Variants in ZFYVE26 observed in about 807,000 individuals in gnomAD.
The protein encoded by ZFYVE26 is zinc finger FYVE-type containing 26.
ZFYVE26 carries 181 observed loss-of-function variants against 276.5 expected under a neutral mutation model. The observed-to-expected ratio is 0.65, with a 90% CI of 0.58 to 0.74. The LOEUF is 0.74. Among genes scored for constraint, ZFYVE26 ranks in the 30% least tolerant of loss-of-function variants. The pLI is 0.00. For synonymous variants in ZFYVE26, 1,129 were observed against 1,203.1 expected (o/e 0.94, Z 1.27); for missense variants, 2,821 against 3,097.9 (o/e 0.91, Z 2.12).
At chr14:67,732,733 C>T (rs1256962188) in intron 13 of ZFYVE26, among the ~76,000 whole-genome samples, 3 of 152,040 alleles carry the variant, frequency 2.0e-5, no homozygotes, top group East Asian at 1.9e-4. Context: ...CCCACCACCA[C>T]ACCCGGCTAA....
chr14:67,813,877 G>T, intron 3 of ZFYVE26, 109 bp downstream of exon 3: 1 of 810,616 alleles, frequency 1.2e-6, no homozygotes, highest in South Asian at 1.5e-5. Context: ...GAATGAGTAT[G>T]ATGAATTTAA....
downstream of ZFYVE26, among the ~76,000 whole-genome samples, chr14:67,741,590 C>G (rs560618898): frequency 3.3e-5 from 5 of 152,268 alleles, no homozygotes; most frequent in African/African-American, 1.2e-4. Context: ...CATAAAAGAT[C>G]AAGTGTTTAT....
At chr14:67,801,234 G>A (rs1419423067) in intron 10 of ZFYVE26, among the ~76,000 whole-genome samples, 1 of 151,044 alleles carries the variant, frequency 6.6e-6, no homozygotes, top group Non-Finnish European at 1.5e-5. Context: ...CTGGGCAACA[G>A]AGCAAGACTC....
chr14:67,783,397 C>A lies in ZFYVE26; in HGVS notation c.3755G>T (p.Arg1252Leu), dbSNP rs201203611. The A allele has an allele frequency of 1.2e-6, 2 of 1,614,092 alleles. No individual in the cohort carries two copies. Among genetic ancestry groups the A allele is most frequent in the Admixed American group, 1.7e-5 (1 of 60,008 alleles). Reference protein sequence around the residue: ...QSQQTSSLLTRLGTLAQLHAS... With the variant: ...QSQQTSSLLTLLGTLAQLHAS... The stretch of plus-strand genomic sequence containing the variant: ...GTGTAGCTGGGCCAGAGTACCCAGA[C>A]GAGTCAGGAGGGAGGAGGTCTGCTG... The change falls in exon 21 of 42, where the codon CGT becomes CTT. Residue 1252 changes from arginine (R) to leucine (L), a missense_variant. By Grantham distance (102) the Arg-to-Leu change is moderately radical. Coordinates refer to ENST00000347230, the MANE Select transcript of ZFYVE26 (RefSeq NM_015346.4).
rs763250225 is a variant in ZFYVE26, at chr14:67,772,134, G to A, written c.5397C>T (p.Pro1799=). Reference sequence around the variant, plus strand: ...GGTGCCTGGCAGGGGGTGTCGCTGGGGGCACAAATTCCTGTGAGGGCTGGG... The same window carrying A: ...GGTGCCTGGCAGGGGGTGTCGCTGGAGGCACAAATTCCTGTGAGGGCTGGG... ...PPTQPSQEFV[P]PATPPARHQW... is the part of the protein sequence containing the mutation. The change falls in exon 28 of 42, where the codon CCC becomes CCT. Residue 1799 remains proline (P), a synonymous_variant. Coordinates refer to ENST00000347230, the MANE Select transcript of ZFYVE26 (RefSeq NM_015346.4). The A allele has an allele frequency of 2.5e-6, 4 of 1,613,112 alleles. No individual in the cohort carries two copies. The South Asian group carries it at 4.4e-5, about 18-fold the overall frequency.
intron 13 of ZFYVE26, among the ~76,000 whole-genome samples, chr14:67,740,015 A>G (rs917215942): frequency 6.6e-6 from 1 of 152,194 alleles, no homozygotes; most frequent in African/African-American, 2.4e-5. Flanking sequence ...CCCATGGCCA[A>G]GAAAAAAATC....
intron 5 of ZFYVE26, 35 bp from the exon 6 acceptor site, chr14:67,806,710 A>G: frequency 6.2e-7 from 1 of 1,613,762 alleles, no homozygotes; most frequent in Non-Finnish European, 8.5e-7. Flanking sequence ...CAGGAAACCA[A>G]GAACTCTTCT....
At chr14:67,768,626 C>G in intron 29 of ZFYVE26, 78 bp from the exon 30 acceptor site, 1 of 1,367,706 alleles carries the variant, frequency 7.3e-7, no homozygotes, top group Non-Finnish European at 1.0e-6. Context: ...ACAGCATCAA[C>G]TTACAGTGTC....
Position 67,814,000 on chromosome 14 carries a change from AC to A in ZFYVE26, c.258del (p.Trp86CysfsTer42). The A allele has an allele frequency of 6.2e-7, 1 of 1,613,882 alleles. No homozygotes were observed. The highest frequency in any genetic ancestry group is 8.5e-7 in the Non-Finnish European group (1 of 1,179,806). On this transcript the variant is annotated frameshift_variant, in exon 3 of 42. Coordinates refer to ENST00000347230, the MANE Select transcript of ZFYVE26 (RefSeq NM_015346.4). LOFTEE classifies it high-confidence loss of function. ...AWVWLLVLEKWLAREKKLLPV... is the reference protein window; with the variant it reads ...AWVWLLVLEKXLAREKKLLPV... The stretch of plus-strand genomic sequence containing the variant: ...AACCTACTTACCTTTTCCCGGGCCA[AC>A]CATTTCTCCAGTACAAGAAGCCAGA...
chr14:67,804,190 T>C lies in ZFYVE26; in HGVS notation c.1346A>G (p.His449Arg). The C allele has an allele frequency of 6.2e-7, 1 of 1,614,188 alleles. No individual in the cohort carries two copies. Among genetic ancestry groups the C allele is most frequent in the Non-Finnish European group, 8.5e-7 (1 of 1,180,008 alleles). ...GAGGGCTGGAAGGTTTGTAAGGTGA[T>C]GGAGAGTGTAGAGCACTGAGTGGCT... ...GDSHSVLYTL[H>R]HLTNLPALRE... The change falls in exon 9 of 42, where the codon CAT becomes CGT. Residue 449 changes from histidine to arginine, a missense_variant. Transcript: ENST00000347230.
chr14:67,729,541 A>G, exon 14 of ZFYVE26: 1 of 717,694 alleles, frequency 1.4e-6, no homozygotes, highest in Non-Finnish European at 2.5e-6. Context: ...AAGGAAACTT[A>G]CAGTACAAAC....
intron 41 of ZFYVE26, among the ~76,000 whole-genome samples, chr14:67,750,072 G>A (rs2038595666): frequency 6.6e-6 from 1 of 152,182 alleles, no homozygotes; most frequent in Non-Finnish European, 1.5e-5. Flanking sequence ...GAGGCTCAGT[G>A]AAGGCTTGAG....
Position 67,793,602 on chromosome 14 carries a change from C to G in ZFYVE26, c.2553+6G>C. The G allele has an allele frequency of 6.2e-7, 1 of 1,613,194 alleles. No homozygotes were observed. The highest frequency in any genetic ancestry group is 8.5e-7 in the Non-Finnish European group (1 of 1,179,582). On this transcript the variant is annotated splice_donor_region_variant and intron_variant, in intron 14 of 41. Transcript: ENST00000347230. The stretch of plus-strand genomic sequence containing the variant: ...CAGGGGCTGAAAAGGTATGGCCTCC[C>G]CTCACCTGATGGGCTTCTGCGAAGT...
Position 67,755,931 on chromosome 14 carries a change from G to A in ZFYVE26, c.6786+17C>T, listed in dbSNP as rs1208263522. The A allele has an allele frequency of 1.2e-6, 2 of 1,614,114 alleles. No homozygotes were observed. The highest frequency in any genetic ancestry group is 2.2e-5 in the South Asian group (2 of 91,080). ...CACCAGCAACAGAGGTAGAAGGCAGGAAGGGGCTGCCATTACCTTCATAAA... is the reference window on the plus strand; with the variant it reads ...CACCAGCAACAGAGGTAGAAGGCAGAAAGGGGCTGCCATTACCTTCATAAA... On this transcript the variant is annotated intron_variant, in intron 36 of 41. Coordinates refer to ENST00000347230, the MANE Select transcript of ZFYVE26 (RefSeq NM_015346.4).
At chr14:67,753,334 CCT>C (rs2140182223) in intron 39 of ZFYVE26, among the ~76,000 whole-genome samples, 1 of 152,324 alleles carries the variant, frequency 6.6e-6, no homozygotes, top group East Asian at 1.9e-4. Context: ...CCAGCCAGCT[CCT>C]GTACAGACCA....
intron 8 of ZFYVE26, 30 bp from the exon 9 acceptor site, chr14:67,804,294 G>C: frequency 6.2e-7 from 1 of 1,612,880 alleles, no homozygotes; most frequent in Non-Finnish European, 8.5e-7. Flanking sequence ...GGATGGAAGA[G>C]AGGCAGTTTA....
intron 14 of ZFYVE26, among the ~76,000 whole-genome samples, chr14:67,792,897 A>C (rs193172621): frequency 6.9e-6 from 1 of 145,214 alleles, no homozygotes; most frequent in East Asian, 2.1e-4. Context: ...CCTGGGTGAC[A>C]AAAGCAAATC....
chr14:67,730,074 T>C (rs1489703759), intron 13 of ZFYVE26, among the ~76,000 whole-genome samples: 1 of 152,254 alleles, frequency 6.6e-6, no homozygotes, highest in African/African-American at 2.4e-5. Flanking sequence ...CTAATGTTGC[T>C]TGAGTTTTTA....
chr14:67,814,095 A>G (rs2040353071), intron 2 of ZFYVE26, 31 bp from the exon 3 acceptor site: 1 of 1,553,420 alleles, frequency 6.4e-7, no homozygotes, highest in South Asian at 1.1e-5. Flanking sequence ...GACTTGTAAA[A>G]AAGAGTTTCT....
Sources: gnomAD v4.1 joint callset for allele counts (sites outside exome capture counted in the v4.1 genomes callset) on GRCh38, gnomAD v4.1.1 for gene constraint, MANE v1.5 for transcripts, NCBI Gene and HGNC (gene_info 2026-07-23, HGNC 2026-07-21) for gene names.